PDE8B: variants seen among roughly 807,000 people sequenced by gnomAD.
PDE8B encodes the protein phosphodiesterase 8B.
Under a neutral mutation model 101.3 loss-of-function variants are expected in PDE8B, and 26 were observed. That is an observed-to-expected ratio of 0.26 (90% CI 0.19 to 0.36). The LOEUF (loss-of-function observed/expected upper bound fraction) is 0.36. Ranked by LOEUF, PDE8B falls within the 10% of genes least tolerant of loss-of-function variation. The pLI, the probability that PDE8B is intolerant of heterozygous loss-of-function variation, is 1.00. For synonymous variants in PDE8B, 424 were observed against 429.3 expected (o/e 0.99, Z 0.15); for missense variants, 810 against 1,163.1 (o/e 0.70, Z 4.42).
intron 1 of PDE8B, among the ~76,000 whole-genome samples, chr5:77,281,489 C>G (rs1764992351): frequency 6.6e-6 from 1 of 152,210 alleles, no homozygotes; most frequent in South Asian, 2.1e-4. Flanking sequence ...GGGCAGAAAT[C>G]ACTCTTGCCT....
chr5:77,300,608 C>T (rs1230544847), intron 1 of PDE8B, among the ~76,000 whole-genome samples: 1 of 152,244 alleles, frequency 6.6e-6, no homozygotes, highest in African/African-American at 2.4e-5. Context: ...GCCTCGTTGG[C>T]TTTTGATGTA....
At chr5:77,333,447 G>A (rs1777533423) in intron 5 of PDE8B, among the ~76,000 whole-genome samples, 1 of 152,152 alleles carries the variant, frequency 6.6e-6, no homozygotes, top group South Asian at 2.1e-4. Flanking sequence ...CCATTCCAAT[G>A]TCATCCTTTT....
At chr5:77,290,227 C>A (rs1335660748) in intron 1 of PDE8B, 6 of 1,544,956 alleles carry the variant, frequency 3.9e-6, no homozygotes, top group Non-Finnish European at 4.4e-6. Flanking sequence ...GCTGCAAAGA[C>A]CAGCAAGCTC....
chr5:77,412,619 C>T (rs1401621269), intron 16 of PDE8B, among the ~76,000 whole-genome samples: 1 of 150,706 alleles, frequency 6.6e-6, no homozygotes, highest in Non-Finnish European at 1.5e-5. Context: ...AGGTCTTTTT[C>T]TATACTAGGA....
the PDE8B span, among the ~76,000 whole-genome samples, chr5:77,199,346 T>A: frequency 6.6e-6 from 1 of 152,214 alleles, no homozygotes; most frequent in Non-Finnish European, 1.5e-5. Flanking sequence ...TACTTCTCTC[T>A]CACAAAAGTG....
chr5:77,233,676 G>GTC (rs1295235090), intron 1 of PDE8B, among the ~76,000 whole-genome samples: 1 of 151,116 alleles, frequency 6.6e-6, no homozygotes, highest in Admixed American at 6.6e-5. Context: ...GTGTGTGTGT[G>GTC]TGTGTGTGTG....
intron 1 of PDE8B, among the ~76,000 whole-genome samples, chr5:77,235,723 C>A (rs1380321020): frequency 6.6e-6 from 1 of 151,240 alleles, no homozygotes; most frequent in Non-Finnish European, 1.5e-5. Context: ...TTTTCACTTA[C>A]ACCTTCATTC....
chr5:77,199,188 A>G, the PDE8B span, among the ~76,000 whole-genome samples: 1 of 152,146 alleles, frequency 6.6e-6, no homozygotes, highest in Admixed American at 6.5e-5. Flanking sequence ...CTTTATACTC[A>G]CTCGAACATA....
rs183210333 is a variant in PDE8B, at chr5:77,262,124, A to T, written c.340-49870A>T. Among the ~76,000 whole-genome samples, 232 of 152,264 alleles carry T rather than the reference A, an allele frequency of 1.5e-3. 1 individual carries two copies. The highest frequency in any genetic ancestry group is 2.5e-3 in the Non-Finnish European group (167 of 68,002). On this transcript the variant is annotated intron_variant, in intron 1 of 21. Coordinates refer to ENST00000264917, the MANE Select transcript of PDE8B (RefSeq NM_003719.5). ...TAGTAACAGTATACTTCATATGTAC[A>T]GTGTGACCAGTTAAAATGGAAAGAT...
At chr5:77,373,075 A>G (rs1217969958) in intron 10 of PDE8B, among the ~76,000 whole-genome samples, 1 of 150,496 alleles carries the variant, frequency 6.6e-6, no homozygotes, top group African/African-American at 2.4e-5. Flanking sequence ...TCATTTCTTT[A>G]TTTGTGTTTG....
At chr5:77,314,099 T>C (rs531154019) in intron 2 of PDE8B, among the ~76,000 whole-genome samples, 446 of 152,256 alleles carry the variant, frequency 2.9e-3, no homozygotes, top group African/African-American at 0.01. Flanking sequence ...TGGTGTGAGG[T>C]AGGGGCTTTA....
chr5:77,124,276 A>G, the PDE8B span, among the ~76,000 whole-genome samples: 1 of 152,198 alleles, frequency 6.6e-6, no homozygotes, highest in African/African-American at 2.4e-5. Flanking sequence ...ATTATCAGAC[A>G]AGAAGGTTAA....
chr5:77,168,524 A>C, the PDE8B span, among the ~76,000 whole-genome samples: 1 of 152,228 alleles, frequency 6.6e-6, no homozygotes, highest in Admixed American at 6.5e-5. Flanking sequence ...CCTCTGAGGC[A>C]GGGCAGATTC....
Position 77,389,333 on chromosome 5 carries a change from G to A in PDE8B, c.1168-10915G>A, listed in dbSNP as rs187276587. Among the ~76,000 whole-genome samples the A allele has an allele frequency of 9.5e-3, 1,452 of 152,196 alleles. 9 individuals carry two copies. Among genetic ancestry groups the A allele is most frequent in the Non-Finnish European group, 0.016 (1,100 of 68,024 alleles). On this transcript the variant is annotated intron_variant, in intron 10 of 21. Transcript: ENST00000264917. ...CCTTGGATAGGGGAGGGAATTCTCCGACCACTTGTGTTTCCCAGGTGAGGC... is the reference window on the plus strand; with the variant it reads ...CCTTGGATAGGGGAGGGAATTCTCCAACCACTTGTGTTTCCCAGGTGAGGC...
chr5:77,375,933 C>T (rs1421562445), intron 10 of PDE8B, among the ~76,000 whole-genome samples: 1 of 107,654 alleles, frequency 9.3e-6, no homozygotes, highest in Non-Finnish European at 1.8e-5. Context: ...GCCCTTGTTG[C>T]CCAGGCTGGA....
chr5:77,377,054 C>CT (rs1786272394), intron 10 of PDE8B, among the ~76,000 whole-genome samples: 1 of 152,180 alleles, frequency 6.6e-6, no homozygotes, highest in Non-Finnish European at 1.5e-5. Context: ...ATGTAAGTGT[C>CT]TGTCACTGAG....
intron 10 of PDE8B, among the ~76,000 whole-genome samples, chr5:77,379,909 C>A (rs1298936862): frequency 1.2e-4 from 19 of 152,172 alleles, no homozygotes; most frequent in Admixed American, 1.2e-3. Flanking sequence ...TTCCTGCGAT[C>A]ACATCTCTTT....
upstream of PDE8B, among the ~76,000 whole-genome samples, chr5:77,205,652 C>T (rs1353945282): frequency 6.6e-6 from 1 of 152,128 alleles, no homozygotes; most frequent in Non-Finnish European, 1.5e-5. Context: ...GGAAATATTA[C>T]ACTTACTCAT....
intron 6 of PDE8B, among the ~76,000 whole-genome samples, chr5:77,344,074 C>A (rs1211134712): frequency 1.3e-5 from 2 of 152,104 alleles, no homozygotes; most frequent in Non-Finnish European, 2.9e-5. Context: ...TGGGATACCT[C>A]CTGAAGGACC....
Sources: gnomAD v4.1 joint callset for allele counts (sites outside exome capture counted in the v4.1 genomes callset) on GRCh38, gnomAD v4.1.1 for gene constraint, MANE v1.5 for transcripts, NCBI Gene and HGNC (gene_info 2026-07-23, HGNC 2026-07-21) for gene names.